Variants in GALNT7 observed in about 807,000 individuals in gnomAD.
GALNT7 encodes the protein N-acetylgalactosaminyltransferase 7.
In GALNT7, 60 loss-of-function variants were observed where a neutral mutation model predicts 82.1. The ratio of observed to expected loss-of-function variants is 0.73; its 90% confidence interval spans 0.59 to 0.91. GALNT7 has a LOEUF of 0.91. GALNT7 is among the 40% of genes least tolerant of loss of function. GALNT7 has a pLI of 0.00. For synonymous variants in GALNT7, 243 were observed against 275.1 expected (o/e 0.88, Z 1.15); for missense variants, 660 against 804.2 (o/e 0.82, Z 2.17).
At chr4:173,304,890 A>G (rs919758996) in intron 8 of GALNT7, among the ~76,000 whole-genome samples, 1 of 152,040 alleles carries the variant, frequency 6.6e-6, no homozygotes, top group East Asian at 1.9e-4. Context: ...ACCATCATGT[A>G]TATATACCAT....
Position 173,323,018 on chromosome 4 carries a change from T to A in GALNT7, c.*1301T>A, listed in dbSNP as rs1348491935. 3 of 152,070 alleles carry A rather than the reference T, an allele frequency of 2.0e-5. No individual in the cohort carries two copies. Among genetic ancestry groups the A allele is most frequent in the African/African-American group, 7.2e-5 (3 of 41,426 alleles). The allele number at this position is 152,070 out of a possible 1,614,324, so 9.4% of individuals were successfully genotyped here. On this transcript the variant is annotated 3_prime_UTR_variant, in exon 12 of 12. Coordinates refer to ENST00000265000, the MANE Select transcript of GALNT7 (RefSeq NM_017423.3). ...GATTTGTTTGGATTTAAACATTTAC[T>A]AAGACAGTACCTATTAGGAAAACCA...
intron 1 of GALNT7, among the ~76,000 whole-genome samples, chr4:173,219,468 C>A (rs1733573915): frequency 6.6e-6 from 1 of 152,014 alleles, no homozygotes; most frequent in African/African-American, 2.4e-5. Context: ...GTGCAGGTAT[C>A]TTTTTCTATA....
At chr4:173,314,477 T>C (rs1323335426) in intron 9 of GALNT7, among the ~76,000 whole-genome samples, 1 of 152,170 alleles carries the variant, frequency 6.6e-6, no homozygotes, top group Non-Finnish European at 1.5e-5. Flanking sequence ...TTTCAATTTA[T>C]CTTACTGCTC....
chr4:173,182,661 T>TACACACACACACACACACAC (rs60501649), intron 1 of GALNT7, among the ~76,000 whole-genome samples: 2 of 133,466 alleles, frequency 1.5e-5, no homozygotes, highest in African/African-American at 6.0e-5. Context: ...TTACTCATAA[T>TACACACACACACACACACAC]ACACACACAC....
chr4:173,215,515 C>T (rs1733417339), intron 1 of GALNT7, among the ~76,000 whole-genome samples: 1 of 152,122 alleles, frequency 6.6e-6, no homozygotes, highest in African/African-American at 2.4e-5. Context: ...CAGGTGTCAG[C>T]CACCATACCC....
intron 1 of GALNT7, among the ~76,000 whole-genome samples, chr4:173,179,268 T>C (rs897245413): frequency 1.3e-5 from 2 of 152,252 alleles, no homozygotes; most frequent in African/African-American, 2.4e-5. Flanking sequence ...TTCACTCTTA[T>C]CAGAAGTTGG....
chr4:173,248,342 A>G lies in GALNT7; in HGVS notation c.489A>G (p.Lys163=). The change falls in exon 2 of 12, where the codon AAA becomes AAG. Residue 163 remains lysine, a synonymous_variant. Transcript: ENST00000265000. ...AKPLVLGPEF[K]QAIQASIKEF... is the part of the protein sequence containing the mutation. ...CATTGGTTTTGGGACCAGAATTCAA[A>G]CAAGCAATTCAAGCCAGCATTAAAG... The G allele has an allele frequency of 6.2e-7, 1 of 1,613,870 alleles. No individual in the cohort carries two copies. Among genetic ancestry groups the G allele is most frequent in the Middle Eastern group, 1.7e-4 (1 of 6,058 alleles).
intron 1 of GALNT7, chr4:173,169,634 C>G (rs1263380819): frequency 6.6e-6 from 1 of 151,620 alleles, no homozygotes; most frequent in Non-Finnish European, 1.5e-5. Context: ...GAGGCCTCGC[C>G]CGGACCGCCG....
intron 1 of GALNT7, among the ~76,000 whole-genome samples, chr4:173,217,121 T>C (rs953781780): frequency 1.3e-5 from 2 of 152,124 alleles, no homozygotes; most frequent in African/African-American, 4.8e-5. Context: ...CAGTCACTCA[T>C]CTACTGTAAG....
chr4:173,295,956 T>G, intron 5 of GALNT7, 113 bp downstream of exon 5: 1 of 716,582 alleles, frequency 1.4e-6, no homozygotes, highest in South Asian at 1.5e-5. Context: ...CGAGTGTGCT[T>G]TAGTGTTATC....
intron 2 of GALNT7, among the ~76,000 whole-genome samples, chr4:173,252,101 C>A (rs1343088212): frequency 6.6e-6 from 1 of 152,154 alleles, no homozygotes; most frequent in East Asian, 1.9e-4. Flanking sequence ...AAAATAATAA[C>A]CAACCATGAA....
At chr4:173,243,073 G>A (rs1734489776) in intron 1 of GALNT7, among the ~76,000 whole-genome samples, 1 of 152,112 alleles carries the variant, frequency 6.6e-6, no homozygotes, top group Non-Finnish European at 1.5e-5. Flanking sequence ...GAGATCATGT[G>A]ACTGCATAAG....
chr4:173,199,225 A>C (rs1325548695), intron 1 of GALNT7, among the ~76,000 whole-genome samples: 1 of 152,184 alleles, frequency 6.6e-6, no homozygotes, highest in Non-Finnish European at 1.5e-5. Context: ...CTCAACATCT[A>C]GGGGATTGAG....
intron 2 of GALNT7, among the ~76,000 whole-genome samples, chr4:173,257,399 A>ATT (rs1326031334): frequency 6.6e-6 from 1 of 152,232 alleles, no homozygotes; most frequent in Non-Finnish European, 1.5e-5. Flanking sequence ...ATCTTTGCTC[A>ATT]TTTTAAGCTG....
intron 2 of GALNT7, among the ~76,000 whole-genome samples, chr4:173,291,583 C>A (rs545300354): frequency 3.8e-4 from 58 of 152,310 alleles, no homozygotes; most frequent in Non-Finnish European, 5.4e-4. Flanking sequence ...ACAATATTAT[C>A]ACTTTGTTCA....
intron 1 of GALNT7, among the ~76,000 whole-genome samples, chr4:173,197,049 ATC>A (rs904059786): frequency 1.4e-5 from 2 of 142,920 alleles, no homozygotes; most frequent in African/African-American, 5.1e-5. Context: ...TAGATTCTCT[ATC>A]TCTCTCTCTC....
In GALNT7 at chr4:173,191,443, G is replaced by A. The variant is rs1732626462; in HGVS notation, c.126+22482G>A. 5.3e-5 allele frequency among the ~76,000 whole-genome samples: 8 copies of A among 152,334 alleles called. No homozygotes were observed. In the South Asian group the frequency reaches 1.7e-3, roughly 32 times the overall value. ...TTTGGTAAATCCTAATGGGAAGGCT[G>A]TTGGCAAGAAATTTTTGCTAAGTTC... On this transcript the variant is annotated intron_variant, in intron 1 of 11. Transcript: ENST00000265000.
chr4:173,169,047 G>T (rs960921843), intron 1 of GALNT7, 86 bp downstream of exon 1: 10 of 1,395,922 alleles, frequency 7.2e-6, no homozygotes, highest in South Asian at 3.8e-5. Context: ...GGGGCGGCGG[G>T]GTCGCGGCAC....
chr4:173,289,797 T>G (rs1039843467), intron 2 of GALNT7, among the ~76,000 whole-genome samples: 7 of 151,950 alleles, frequency 4.6e-5, no homozygotes, highest in African/African-American at 1.7e-4. Flanking sequence ...TGTGTAGGTG[T>G]AGCCTGAGTT....
Sources: allele counts gnomAD v4.1 joint callset (sites outside exome capture counted in the v4.1 genomes callset), GRCh38; gene constraint gnomAD v4.1.1; transcripts MANE v1.5; gene names NCBI Gene and HGNC (gene_info 2026-07-23, HGNC 2026-07-21).